C19orf38: variants seen among roughly 807,000 people sequenced by gnomAD.
The protein encoded by C19orf38 is protein HIDE1.
C19orf38 carries 14 observed loss-of-function variants against 26.6 expected under a neutral mutation model. That is an observed-to-expected ratio of 0.53 (90% CI 0.35 to 0.82). C19orf38 has a LOEUF of 0.82. C19orf38 is among the 40% of genes least tolerant of loss of function. The pLI is 0.01. For synonymous variants in C19orf38, 132 were observed against 128.5 expected, an observed-to-expected ratio of 1.03 and a Z score of -0.18; for missense variants, 261 against 299.5, an observed-to-expected ratio of 0.87 and a Z score of 0.95.
At chr19:10,838,446 A>C (rs970147054) in intron 1 of C19orf38, among the ~76,000 whole-genome samples, 1 of 152,146 alleles carries the variant, frequency 6.6e-6, no homozygotes, top group Admixed American at 6.6e-5. Flanking sequence ...AAAATTAACA[A>C]TTCAGTGGCA....
At chr19:10,862,473 G>A (rs867105532) in intron 5 of C19orf38, among the ~76,000 whole-genome samples, 4 of 151,972 alleles carry the variant, frequency 2.6e-5, no homozygotes, top group African/African-American at 9.7e-5. Context: ...CCAAAGCGTT[G>A]GGATTACAGC....
Position 10,850,410 on chromosome 19 carries a change from G to A in C19orf38, c.183G>A (p.Leu61=). 6.4e-7 allele frequency: 1 copy of A among 1,550,846 alleles called. No individual in the cohort carries two copies. The highest frequency in any genetic ancestry group is 1.2e-5 in the South Asian group (1 of 84,016). The change falls in exon 2 of 7, where the codon CTG becomes CTA. Residue 61 remains leucine, a synonymous_variant. Coordinates refer to ENST00000397820, the MANE Select transcript of C19orf38 (RefSeq NM_001136482.3). ...GAGGGGGGCAGGTGGTCCAGCTCCT[G>A]CAGGCCCCCACGGACCAGCGCGGGG... is the stretch of plus-strand genomic sequence containing the variant. ...LYRGGQVVQL[L]QAPTDQRGVT... is the part of the protein sequence containing the mutation.
At chr19:10,855,664 G>A (rs1232903625) in intron 2 of C19orf38, among the ~76,000 whole-genome samples, 2 of 152,162 alleles carry the variant, frequency 1.3e-5, no homozygotes, top group South Asian at 2.1e-4. Context: ...GAGTAAGTGG[G>A]ACTACAGGCA....
Position 10,869,622 on chromosome 19 carries a change from G to A in C19orf38, c.*255G>A. The A allele has an allele frequency of 2.0e-6, 1 of 490,460 alleles. No homozygotes were observed. Among genetic ancestry groups the A allele is most frequent in the Non-Finnish European group, 3.5e-6 (1 of 284,896 alleles). 30.4% of individuals were successfully genotyped at this position (490,460 alleles called of 1,614,324 possible). On this transcript the variant is annotated 3_prime_UTR_variant, in exon 7 of 7. Transcript: ENST00000397820. ...AGGACCACCAGAGAAGGAGATGTCA[G>A]GACCCCTTCTTGTCCCCCAGCTGGG...
At chr19:10,849,104 A>AC (rs1487298886) in intron 1 of C19orf38, among the ~76,000 whole-genome samples, 8 of 136,424 alleles carry the variant, frequency 5.9e-5, no homozygotes, top group Admixed American at 4.4e-4. Flanking sequence ...CCTCTCACTC[A>AC]CCCCCTCCCC....
chr19:10,840,000 TTG>T (rs1036829982), intron 1 of C19orf38, among the ~76,000 whole-genome samples: 4 of 152,134 alleles, frequency 2.6e-5, no homozygotes, highest in African/African-American at 7.2e-5. Context: ...GAGATTACAG[TTG>T]TGAGTCACTG....
At chr19:10,862,649 G>A (rs1223391461) in intron 5 of C19orf38, among the ~76,000 whole-genome samples, 3 of 152,082 alleles carry the variant, frequency 2.0e-5, no homozygotes, top group Non-Finnish European at 2.9e-5. Flanking sequence ...GGCCAACATG[G>A]TGAATCCCTA....
At position 10,850,496 on chromosome 19, in the gene C19orf38, A is replaced by G. The variant is rs750155325; in HGVS notation, c.269A>G (p.Tyr90Cys). The part of the protein sequence containing the change: ...KAPGGPFHCQ[Y>C]GVLGELNQSQ... Reference sequence around the variant, plus strand: ...CCAGGGGGACCCTTCCACTGCCAGTATGGAGTGTTAGGTGAGCTCAACCAG... The same window carrying G: ...CCAGGGGGACCCTTCCACTGCCAGTGTGGAGTGTTAGGTGAGCTCAACCAG... The change falls in exon 2 of 7, where the codon TAT becomes TGT. Residue 90 changes from tyrosine (Y) to cysteine (C), a missense_variant. By Grantham distance (194) the Tyr-to-Cys change is radical. Transcript: ENST00000397820. 98 of 1,551,510 alleles carry G rather than the reference A, an allele frequency of 6.3e-5. No homozygotes were observed. The highest frequency in any genetic ancestry group is 7.6e-5 in the Non-Finnish European group (87 of 1,146,982).
intron 3 of C19orf38, among the ~76,000 whole-genome samples, chr19:10,857,894 A>AAAAGAAAGAAAGAAAGAAAGAAAGAAAG (rs111685154): frequency 2.1e-5 from 3 of 142,404 alleles, no homozygotes; most frequent in Non-Finnish European, 4.6e-5. Context: ...AAACAACAAA[A>AAAAGAAAGAAAGAAAGAAAGAAAGAAAG]AAAGAAAGAA....
chr19:10,847,921 G>A (rs550852769), upstream of C19orf38, among the ~76,000 whole-genome samples: 6 of 152,188 alleles, frequency 3.9e-5, no homozygotes, highest in East Asian at 3.9e-4. Context: ...GGCTGGGCAC[G>A]GTGGCTCACG....
Position 10,869,398 on chromosome 19 carries a change from A to G in C19orf38, c.*31A>G, listed in dbSNP as rs1249647259. 1.3e-6 allele frequency: 2 copies of G among 1,525,102 alleles called. No homozygotes were observed. The highest frequency in any genetic ancestry group is 2.8e-5 in the African/African-American group (2 of 71,394). The allele number at this position is 1,525,102 out of a possible 1,614,324, so 94.5% of individuals were successfully genotyped here. ...AGGACTGGGGGACCCCTCTGTCTCC[A>G]GGCATTCGGGGGCCTGAGGTCCCTC... is the stretch of plus-strand genomic sequence containing the variant. On this transcript the variant is annotated 3_prime_UTR_variant, in exon 7 of 7. Coordinates refer to ENST00000397820, the MANE Select transcript of C19orf38 (RefSeq NM_001136482.3).
intron 1 of C19orf38, among the ~76,000 whole-genome samples, chr19:10,838,806 C>T (rs1382154121): frequency 6.6e-6 from 1 of 152,126 alleles, no homozygotes; most frequent in African/African-American, 2.4e-5. Flanking sequence ...CTGGTTAGAA[C>T]AGGTGTGCCA....
chr19:10,868,823 G>A (rs1473852570), intron 6 of C19orf38, among the ~76,000 whole-genome samples: 1 of 152,176 alleles, frequency 6.6e-6, no homozygotes, highest in East Asian at 1.9e-4. Flanking sequence ...TAATATGAAT[G>A]GTTGTGTTCA....
chr19:10,859,870 G>A, intron 4 of C19orf38, 45 bp from the exon 5 acceptor site: 2 of 1,537,698 alleles, frequency 1.3e-6, no homozygotes, highest in Non-Finnish European at 1.8e-6. Flanking sequence ...CCTGACTCAA[G>A]GGGCAACCCT....
At chr19:10,845,272 G>A (rs531148415), upstream of C19orf38, among the ~76,000 whole-genome samples, 20 of 151,938 alleles carry the variant, frequency 1.3e-4, no homozygotes, top group South Asian at 2.7e-3. Context: ...CAACTACACC[G>A]TGTACTTGAA....
chr19:10,847,436 C>T (rs370155347), upstream of C19orf38, among the ~76,000 whole-genome samples: 22 of 148,632 alleles, frequency 1.5e-4, no homozygotes, highest in African/African-American at 3.5e-4. Context: ...TGCAATGGCG[C>T]GATCTCAACT....
intron 6 of C19orf38, among the ~76,000 whole-genome samples, chr19:10,867,604 C>T (rs1462280596): frequency 1.5e-5 from 2 of 137,140 alleles, no homozygotes; most frequent in African/African-American, 2.8e-5. Flanking sequence ...GCAACAAGAG[C>T]GAAACTCCAT....
chr19:10,841,121 G>C (rs1412031631), intron 1 of C19orf38, among the ~76,000 whole-genome samples: 2 of 151,728 alleles, frequency 1.3e-5, no homozygotes, highest in Non-Finnish European at 2.9e-5. Flanking sequence ...TCATCTTTTT[G>C]TTGTAGGAGG....
intron 2 of C19orf38, among the ~76,000 whole-genome samples, chr19:10,854,797 C>T (rs934357480): frequency 6.6e-6 from 1 of 152,024 alleles, no homozygotes; most frequent in Admixed American, 6.6e-5. Flanking sequence ...GCCACTGGCA[C>T]CCAGACTGCA....
Sources: allele counts gnomAD v4.1 joint callset (sites outside exome capture counted in the v4.1 genomes callset), GRCh38; gene constraint gnomAD v4.1.1; transcripts MANE v1.5; gene names NCBI Gene and HGNC (gene_info 2026-07-23, HGNC 2026-07-21).